PEX6: variants seen among roughly 807,000 people sequenced by gnomAD.
The protein encoded by PEX6 is peroxisomal biogenesis factor 6.
A neutral mutation model predicts 85.6 loss-of-function variants in PEX6; 55 were observed. The observed-to-expected ratio is 0.64, with a 90% CI of 0.52 to 0.80. The LOEUF is 0.80. Among genes scored for constraint, PEX6 ranks in the 30% least tolerant of loss-of-function variants. The pLI is 0.00. For missense variants in PEX6, 1,099 were observed against 1,260.3 expected (o/e 0.87, Z 1.94); for synonymous variants, 519 against 549.1 (o/e 0.95, Z 0.77).
chr6:42,964,550 G>T lies in PEX6; in HGVS notation c.2807-79C>A. 2.6e-6 allele frequency: 4 copies of T among 1,533,860 alleles called. No individual in the cohort carries two copies. The highest frequency in any genetic ancestry group is 2.7e-6 in the Non-Finnish European group (3 of 1,110,822). ...CTGCGAAGGTGGCTTCCTGCTCAGG[G>T]TCTCCTAGATGTCAATGATCTTCCC... On this transcript the variant is annotated intron_variant, in intron 16 of 16. Transcript: ENST00000304611. The surrounding 1 kb of genome is among the most constrained non-coding windows in gnomAD (Gnocchi z 4.6).
chr6:42,965,077 G>A lies in PEX6; in HGVS notation c.2664C>T (p.Arg888=). 1.2e-6 allele frequency: 2 copies of A among 1,614,078 alleles called. No homozygotes were observed. Among genetic ancestry groups the A allele is most frequent in the Non-Finnish European group, 1.7e-6 (2 of 1,179,910 alleles). ...SQLRVLSAIT[R]KFKLEPSVSL... is the part of the protein sequence containing the mutation. Reference sequence around the variant, plus strand: ...AGTCTTCCTCTAACAGAGCATACTTGCGTGTGATGGCACTTAGAACGCGTA... The same window carrying A: ...AGTCTTCCTCTAACAGAGCATACTTACGTGTGATGGCACTTAGAACGCGTA... The change falls in exon 15 of 17, where the codon CGC becomes CGT. Residue 888 remains arginine, a splice_region_variant and synonymous_variant. Transcript: ENST00000304611. The surrounding 1 kb of genome is among the most constrained non-coding windows in gnomAD (Gnocchi z 5.0).
Position 42,969,812 on chromosome 6 carries a change from T to C in PEX6, c.1234-11A>G, listed in dbSNP as rs201879957. 5.6e-4 allele frequency: 897 copies of C among 1,613,428 alleles called. No individual in the cohort carries two copies. Among genetic ancestry groups the C allele is most frequent in the Non-Finnish European group, 6.6e-4 (776 of 1,179,962 alleles). On this transcript the variant is annotated splice_polypyrimidine_tract_variant and intron_variant, in intron 4 of 16. Coordinates refer to ENST00000304611, the MANE Select transcript of PEX6 (RefSeq NM_000287.4). ...CAGGGTAGAACCCACCTGTGAAAGG[T>C]AATAAAAAGCTTTCGTTTCTAAAAA...
Position 42,966,635 on chromosome 6 carries a change from C to T in PEX6, c.1984G>A (p.Glu662Lys). Reference protein sequence around the residue: ...NSGLAGGLTEEDEGELCAAGF... With the variant: ...NSGLAGGLTEKDEGELCAAGF... ...GCAGCACACAGCTCCCCCTCATCCT[C>T]CTCAGTCAAGCCACCTGCCAAACTG... The change falls in exon 10 of 17, where the codon GAG becomes AAG. Residue 662 changes from glutamate (E) to lysine (K), a missense_variant. Around this residue, in one of 3 missense-constraint regions of PEX6, gnomAD observed 514 missense variants for 627.0 expected, o/e 0.82. Transcript: ENST00000304611. 6.2e-7 allele frequency: 1 copy of T among 1,614,192 alleles called. No individual in the cohort carries two copies.
rs1243673633 is a variant in PEX6 at position 42,978,653 on chromosome 6, C to T, written c.498G>A (p.Leu166=). The part of the protein sequence containing the change: ...AVTELRGRAR[L]CPESGDSSRP... ...GACTGCTGTCCCCAGACTCTGGACA[C>T]AGTCTGGCCCGCCCGCGGAGCTCAG... Residue 166 remains leucine, a synonymous_variant, in exon 1 of 17, where the codon CTG becomes CTA. Transcript: ENST00000304611. 1 of 1,573,016 alleles carries T rather than the reference C, an allele frequency of 6.4e-7. No individual in the cohort carries two copies. Among genetic ancestry groups the T allele is most frequent in the Non-Finnish European group, 8.6e-7 (1 of 1,166,218 alleles).
intron 1 of PEX6, among the ~76,000 whole-genome samples, chr6:42,976,246 A>C (rs1013025021): frequency 6.6e-6 from 1 of 152,160 alleles, no homozygotes; most frequent in African/African-American, 2.4e-5. Flanking sequence ...ACTAAATTTA[A>C]AAATTTAAAA....
chr6:42,975,068 C>G (rs1770232915), intron 1 of PEX6, 30 bp from the exon 2 acceptor site: 1 of 1,589,084 alleles, frequency 6.3e-7, no homozygotes, highest in African/African-American at 1.3e-5. Flanking sequence ...CACGTTATAA[C>G]CTTCTCCTAA....
chr6:42,966,973 T>TG, intron 8 of PEX6, 115 bp from the exon 9 acceptor site: 2 of 736,720 alleles, frequency 2.7e-6, no homozygotes, highest in Non-Finnish European at 2.3e-6. Flanking sequence ...TGTTGTTTTT[T>TG]TTTTTTTTTT....
chr6:42,969,305 G>T (rs932831678), intron 5 of PEX6, among the ~76,000 whole-genome samples: 1 of 152,224 alleles, frequency 6.6e-6, no homozygotes, highest in Non-Finnish European at 1.5e-5. Flanking sequence ...CTGAGGTGGG[G>T]ATCTGCGTCC....
At chr6:42,966,219 T>C in intron 11 of PEX6, 23 bp downstream of exon 11, 1 of 1,611,286 alleles carries the variant, frequency 6.2e-7, no homozygotes, top group Non-Finnish European at 8.5e-7. Context: ...CCACCCACCA[T>C]CCCTTCCAGG....
intron 5 of PEX6, among the ~76,000 whole-genome samples, chr6:42,969,335 G>A (rs1769972289): frequency 6.6e-6 from 1 of 152,216 alleles, no homozygotes; most frequent in African/African-American, 2.4e-5. Context: ...CCACTGGTAT[G>A]AGGAGTTGTG....
chr6:42,971,452 C>A lies in PEX6; in HGVS notation c.1131-1465G>T, dbSNP rs929973763. On this transcript the variant is annotated intron_variant, in intron 3 of 16. Transcript: ENST00000304611. The surrounding 1 kb of genome is among the most constrained non-coding windows in gnomAD (Gnocchi z 4.4). ...AATAGAAAGGCCAGAGCTCTGGAAC[C>A]TATGTGGACACTGCTAAGGAACACT... Among the ~76,000 whole-genome samples the A allele has an allele frequency of 6.6e-6, 1 of 152,192 alleles. No individual in the cohort carries two copies. Among genetic ancestry groups the A allele is most frequent in the Non-Finnish European group, 1.5e-5 (1 of 68,040 alleles).
Position 42,965,869 on chromosome 6 carries a change from C to G in PEX6, c.2363-80G>C. ...AGTTAGGTGAGAGCAGGGAGGGAAA[C>G]TGGGGCCTGACAATACAGCACTGGC... On this transcript the variant is annotated intron_variant, in intron 12 of 16. Coordinates refer to ENST00000304611, the MANE Select transcript of PEX6 (RefSeq NM_000287.4). This position sits in a 1 kb window ranked among gnomAD's most constrained non-coding sequence, Gnocchi z 5.0. 1 of 1,380,274 alleles carries G rather than the reference C, an allele frequency of 7.2e-7. No individual in the cohort carries two copies. The highest frequency in any genetic ancestry group is 1.0e-6 in the Non-Finnish European group (1 of 970,628). 85.5% of individuals were successfully genotyped at this position (1,380,274 alleles called of 1,614,324 possible).
intron 8 of PEX6, 43 bp from the exon 9 acceptor site, chr6:42,966,901 G>A (rs372994572): frequency 5.7e-5 from 87 of 1,514,308 alleles, no homozygotes; most frequent in Non-Finnish European, 7.0e-5. Flanking sequence ...GGCACAGTAG[G>A]CAGGAACCTT....
chr6:42,968,698 C>T (rs537315895), intron 6 of PEX6, among the ~76,000 whole-genome samples, 176 bp downstream of exon 6: 11 of 152,304 alleles, frequency 7.2e-5, no homozygotes. Context: ...GCAACTCCCT[C>T]CTCCTTGAAA....
chr6:42,966,205 T>G, intron 11 of PEX6, 37 bp downstream of exon 11: 2 of 1,610,242 alleles, frequency 1.2e-6, no homozygotes, highest in Non-Finnish European at 1.7e-6. Context: ...CTGCAGCCCC[T>G]GATCCACCCA....
At position 42,977,530 on chromosome 6, in the gene PEX6, G is replaced by A. The variant is rs1010531196; in HGVS notation, c.882+739C>T. ...CAATAGGCCGGGTGAGGTGGCTCAC[G>A]CCTGTAATCCCAACACTTTGGGTGG... On this transcript the variant is annotated intron_variant, in intron 1 of 16. Transcript: ENST00000304611. Among the ~76,000 whole-genome samples, 5 of 152,056 alleles carry A rather than the reference G, an allele frequency of 3.3e-5. No individual in the cohort carries two copies. The East Asian group carries it at 5.8e-4, about 18-fold the overall frequency.
Position 42,978,958 on chromosome 6 carries a change from C to T in PEX6, c.193G>A (p.Glu65Lys), listed in dbSNP as rs1225547255. 21 of 1,497,008 alleles carry T rather than the reference C, an allele frequency of 1.4e-5. No homozygotes were observed. In the East Asian group the frequency reaches 4.1e-4, roughly 29 times the overall value. 92.7% of individuals were successfully genotyped at this position (1,497,008 alleles called of 1,614,324 possible). Residue 65 changes from glutamate (E) to lysine (K), a missense_variant, in exon 1 of 17, where the codon GAA becomes AAA. Glu to Lys is a moderately conservative substitution (Grantham distance 56). Transcript: ENST00000304611. ...AALEGPDAGT[E>K]EQGPGPPQLL... is the part of the protein sequence containing the mutation. ...TGCGGCGGCCCGGGACCCTGCTCTT[C>T]GGTGCCCGCGTCCGGCCCCTCCAGG...
At chr6:42,977,251 C>CCCT (rs34536442) in intron 1 of PEX6, among the ~76,000 whole-genome samples, 1 of 126,678 alleles carries the variant, frequency 7.9e-6, no homozygotes, top group African/African-American at 3.2e-5. Context: ...TGAAACCTCA[C>CCCT]TTTTTTTTTT....
chr6:42,973,725 G>A lies in PEX6; in HGVS notation c.1130+278C>T, dbSNP rs374918191. On this transcript the variant is annotated intron_variant, in intron 3 of 16. Transcript: ENST00000304611. ...AAAACCAATAGCTGGGCGTGGTGATGCGAACCTGTAGTCCCAGCTACTGGG... is the reference window on the plus strand; with the variant it reads ...AAAACCAATAGCTGGGCGTGGTGATACGAACCTGTAGTCCCAGCTACTGGG... 4.6e-5 allele frequency among the ~76,000 whole-genome samples: 7 copies of A among 152,244 alleles called. No homozygotes were observed. In the East Asian group the frequency reaches 7.7e-4, roughly 17 times the overall value.
Sources: allele counts gnomAD v4.1 joint callset (sites outside exome capture counted in the v4.1 genomes callset), GRCh38; gene constraint gnomAD v4.1.1; regional missense constraint gnomAD v4.1.1; non-coding constraint Gnocchi (gnomAD v3.1); transcripts MANE v1.5; gene names NCBI Gene and HGNC (gene_info 2026-07-23, HGNC 2026-07-21).